CORO2B: variants seen among roughly 807,000 people sequenced by gnomAD.
The protein encoded by CORO2B is coronin-2B.
In CORO2B, 26 loss-of-function variants were observed where a neutral mutation model predicts 58.8. The ratio of observed to expected loss-of-function variants is 0.44; its 90% CI spans 0.32 to 0.61. The LOEUF is 0.61. Ranked by LOEUF, CORO2B falls within the 20% of genes least tolerant of loss-of-function variation. The probability of loss-of-function intolerance (pLI) is 0.04; values close to 1 mark genes in which losing one functional copy is unlikely to be tolerated. For missense variants in CORO2B, 460 were observed against 645.1 expected (o/e 0.71, Z 3.11); for synonymous variants, 242 against 253.8 (o/e 0.95, Z 0.44).
the CORO2B span, among the ~76,000 whole-genome samples, chr15:68,560,398 G>A: frequency 5.3e-5 from 8 of 151,584 alleles, no homozygotes; most frequent in East Asian, 1.6e-3. Flanking sequence ...GGGCTCAAGC[G>A]ATCCTCCCAC....
At chr15:68,666,929 G>C (rs1399856887) in intron 2 of CORO2B, among the ~76,000 whole-genome samples, 2 of 152,168 alleles carry the variant, frequency 1.3e-5, no homozygotes, top group African/African-American at 2.4e-5. Flanking sequence ...CCAGAAACCT[G>C]CCGCATGCCC....
chr15:68,528,118 GTCTTTTATT>G, the CORO2B span, among the ~76,000 whole-genome samples: 17 of 152,146 alleles, frequency 1.1e-4, no homozygotes, highest in South Asian at 3.3e-3. Context: ...CCATTCAGAT[GTCTTTTATT>G]TCTTTTTCTT....
Position 68,650,356 on chromosome 15 carries a change from TAAAAAAAAAAAAAAAAAAAAAAAA to T in CORO2B, c.216+5023_216+5046del, listed in dbSNP as rs532431600. On this transcript the variant is annotated intron_variant, in intron 2 of 11. Transcript: ENST00000261861. ...TGGGCAACAAGAGCGAAACTCTGTC[TAAAAAAAAAAAAAAAAAAAAAAAA>T]AAAAAAAAAAAAAAAAAAAAAAAAA... is the stretch of plus-strand genomic sequence containing the variant. 5.5e-4 allele frequency among the ~76,000 whole-genome samples: 47 copies of T among 86,082 alleles called. 1 individual carries two copies. Among genetic ancestry groups the T allele is most frequent in the Middle Eastern group, 5.6e-3 (1 of 180 alleles). The allele number at this position is 86,082 out of a possible 152,430, so 56.5% of individuals were successfully genotyped here.
upstream of CORO2B, among the ~76,000 whole-genome samples, chr15:68,575,348 T>C (rs1027512315): frequency 4.0e-5 from 6 of 151,638 alleles, no homozygotes; most frequent in East Asian, 1.9e-4. Flanking sequence ...TTTTCTTTTT[T>C]TTTTTTTTCC....
At chr15:68,561,088 C>T in the CORO2B span, among the ~76,000 whole-genome samples, 9 of 152,160 alleles carry the variant, frequency 5.9e-5, no homozygotes, top group East Asian at 1.2e-3. Context: ...CACCCCGCGT[C>T]CCCCAGGCTC....
intron 2 of CORO2B, among the ~76,000 whole-genome samples, chr15:68,661,061 T>A (rs1239985318): frequency 6.6e-6 from 1 of 150,618 alleles, no homozygotes; most frequent in East Asian, 2.0e-4. Flanking sequence ...CACTGCAACC[T>A]CCATCTCCTG....
At position 68,624,525 on chromosome 15, in the gene CORO2B, C is replaced by T. The variant is rs894495134; in HGVS notation, c.16-20635C>T. Reference sequence around the variant, plus strand: ...AGCCTGGAACTGATATTAGGAACTACCGTCCCTTGGGCCTAAAACTAATAT... The same window carrying T: ...AGCCTGGAACTGATATTAGGAACTATCGTCCCTTGGGCCTAAAACTAATAT... On this transcript the variant is annotated intron_variant, in intron 1 of 11. Transcript: ENST00000261861. Among the ~76,000 whole-genome samples the T allele has an allele frequency of 4.6e-5, 7 of 152,168 alleles. No individual in the cohort carries two copies. In the South Asian group the frequency reaches 1.2e-3, roughly 27 times the overall value.
At chr15:68,557,430 C>T in the CORO2B span, among the ~76,000 whole-genome samples, 1 of 152,096 alleles carries the variant, frequency 6.6e-6, no homozygotes, top group Non-Finnish European at 1.5e-5. Context: ...GTTAAGGGGT[C>T]AATCTATCCA....
chr15:68,726,261 G>A lies in CORO2B; in HGVS notation c.*287G>A. On this transcript the variant is annotated 3_prime_UTR_variant, in exon 12 of 12. Transcript: ENST00000261861. The stretch of plus-strand genomic sequence containing the variant: ...TGAAGACTACAGACTCCCTGGGGTT[G>A]GCAGGGGCTCCATCTCAGTGGACCA... The A allele has an allele frequency of 2.6e-6, 1 of 384,950 alleles. No individual in the cohort carries two copies. The highest frequency in any genetic ancestry group is 4.7e-6 in the Non-Finnish European group (1 of 212,616). The allele number at this position is 384,950 out of a possible 1,614,324, so 23.8% of individuals were successfully genotyped here.
chr15:68,576,622 C>T (rs145885562), upstream of CORO2B, among the ~76,000 whole-genome samples: 4 of 152,158 alleles, frequency 2.6e-5, no homozygotes, highest in African/African-American at 7.2e-5. Context: ...TAAAGGTTTC[C>T]GATGGGGTCC....
chr15:68,542,793 G>C, the CORO2B span, among the ~76,000 whole-genome samples: 2 of 152,244 alleles, frequency 1.3e-5, no homozygotes, highest in Non-Finnish European at 2.9e-5. Flanking sequence ...AACTTCCAAA[G>C]AGAGCAGAGG....
the CORO2B span, among the ~76,000 whole-genome samples, chr15:68,565,228 T>C: frequency 5.3e-5 from 8 of 152,212 alleles, no homozygotes; most frequent in African/African-American, 1.4e-4. Flanking sequence ...CAGATTAATA[T>C]ATTGATATAT....
At chr15:68,546,062 C>G in the CORO2B span, among the ~76,000 whole-genome samples, 14 of 152,124 alleles carry the variant, frequency 9.2e-5, 1 homozygote, top group Non-Finnish European at 1.5e-5. Context: ...AACAGTGAGC[C>G]GTCCTTGCCA....
chr15:68,720,240 C>A (rs1293894455), intron 11 of CORO2B, among the ~76,000 whole-genome samples: 2 of 152,172 alleles, frequency 1.3e-5, no homozygotes, highest in African/African-American at 4.8e-5. Context: ...CTGAGCAAGT[C>A]TACTGACCTT....
At chr15:68,598,152 C>T (rs1423045851) in intron 1 of CORO2B, among the ~76,000 whole-genome samples, 1 of 152,216 alleles carries the variant, frequency 6.6e-6, no homozygotes, top group Non-Finnish European at 1.5e-5. Flanking sequence ...TTCAGAGAAT[C>T]GGATCCCAGA....
chr15:68,710,761 G>T lies in CORO2B; in HGVS notation c.363G>T (p.Gly121=), dbSNP rs1000476382. 6.2e-7 allele frequency: 1 copy of T among 1,610,916 alleles called. No individual in the cohort carries two copies. The highest frequency in any genetic ancestry group is 8.5e-7 in the Non-Finnish European group (1 of 1,178,610). The stretch of plus-strand genomic sequence containing the variant: ...GGATCTGGGAGATCCCCGAGGGCGG[G>T]CTGAAGCGGAACATGACGGAGGCGC... The part of the protein sequence containing the change: ...SVRIWEIPEG[G]LKRNMTEALL... The change falls in exon 4 of 12, where the codon GGG becomes GGT. Residue 121 remains glycine, a synonymous_variant. Transcript: ENST00000261861. This position sits in a 1 kb window ranked among gnomAD's most constrained non-coding sequence, Gnocchi z 4.1.
intron 1 of CORO2B, among the ~76,000 whole-genome samples, chr15:68,596,065 G>A (rs1482395542): frequency 6.6e-6 from 1 of 152,120 alleles, no homozygotes; most frequent in East Asian, 1.9e-4. Flanking sequence ...GGCTTGCGGG[G>A]AGGTGGGAGT....
chr15:68,601,929 G>T (rs1339253432), intron 1 of CORO2B, among the ~76,000 whole-genome samples: 1 of 152,104 alleles, frequency 6.6e-6, no homozygotes, highest in Non-Finnish European at 1.5e-5. Flanking sequence ...GGCAAGAGCT[G>T]CATCCTCCAG....
At chr15:68,540,343 C>G in the CORO2B span, among the ~76,000 whole-genome samples, 3 of 152,208 alleles carry the variant, frequency 2.0e-5, no homozygotes, top group African/African-American at 2.4e-5. Flanking sequence ...GTAGCAGATG[C>G]AAGTTTTCCA....
Sources: gnomAD v4.1 joint callset for allele counts (sites outside exome capture counted in the v4.1 genomes callset) on GRCh38, gnomAD v4.1.1 for gene constraint, Gnocchi (gnomAD v3.1) non-coding constraint, MANE v1.5 for transcripts, NCBI Gene and HGNC (gene_info 2026-07-23, HGNC 2026-07-21) for gene names.